GPATCH1: variants seen among roughly 807,000 people sequenced by gnomAD.
GPATCH1 encodes the protein G patch domain-containing protein 1.
A neutral mutation model predicts 114.9 loss-of-function variants in GPATCH1; 73 were observed. That is an observed-to-expected ratio of 0.64 (90% CI 0.53 to 0.77). The LOEUF (loss-of-function observed/expected upper bound fraction) is 0.77. Among genes scored for constraint, GPATCH1 ranks in the 30% least tolerant of loss-of-function variants. The probability of loss-of-function intolerance (pLI) is 0.00; values close to 1 mark genes in which losing one functional copy is unlikely to be tolerated. For missense variants in GPATCH1, 1,058 were observed against 1,144.3 expected (o/e 0.92, Z 1.09); for synonymous variants, 391 against 428.4 (o/e 0.91, Z 1.08).
chr19:33,128,592 C>T (rs2145345298), intron 19 of GPATCH1, among the ~76,000 whole-genome samples: 1 of 152,282 alleles, frequency 6.6e-6, no homozygotes, highest in Non-Finnish European at 1.5e-5. Flanking sequence ...ATGGGATCTC[C>T]TATGTTGCCC....
At chr19:33,118,567 T>C (rs1475709233) in intron 16 of GPATCH1, among the ~76,000 whole-genome samples, 1 of 152,222 alleles carries the variant, frequency 6.6e-6, no homozygotes, top group Non-Finnish European at 1.5e-5. Context: ...GTGAATATGA[T>C]CATTTATCTT....
intron 1 of GPATCH1, among the ~76,000 whole-genome samples, chr19:33,087,683 A>AT (rs147397881): frequency 0.035 from 4,789 of 138,024 alleles, 225 homozygotes; most frequent in African/African-American, 0.11. Flanking sequence ...TGACATTATA[A>AT]TTTTTTTTTT....
intron 13 of GPATCH1, 31 bp from the exon 14 acceptor site, chr19:33,113,736 T>C (rs376184295): frequency 6.2e-7 from 1 of 1,606,974 alleles, no homozygotes; most frequent in African/African-American, 1.3e-5. Context: ...CTACTGGTTG[T>C]TACTAAAATG....
intron 3 of GPATCH1, among the ~76,000 whole-genome samples, chr19:33,091,710 G>A (rs1296066332): frequency 1.3e-5 from 2 of 152,062 alleles, no homozygotes; most frequent in African/African-American, 4.8e-5. Context: ...ATTTACCTGT[G>A]TAACAAACCT....
chr19:33,099,560 CTT>C (rs1257744769), intron 8 of GPATCH1, among the ~76,000 whole-genome samples: 7 of 151,630 alleles, frequency 4.6e-5, no homozygotes, highest in African/African-American at 1.7e-4. Flanking sequence ...GTGAATCTAT[CTT>C]TATTTTACCT....
intron 18 of GPATCH1, 117 bp downstream of exon 18, chr19:33,125,319 C>G: frequency 9.0e-7 from 1 of 1,111,208 alleles, no homozygotes; most frequent in Non-Finnish European, 1.3e-6. Context: ...ACAGTTCTCT[C>G]TGAGACTTAA....
At position 33,097,909 on chromosome 19, in the gene GPATCH1, C is replaced by G. The variant is rs757782598; in HGVS notation, c.1000+7C>G. ...CAGTATAAAAACCAGAAAGGTAATT[C>G]GACAGCCACAAACCTAATGGCAGGA... On this transcript the variant is annotated splice_region_variant and intron_variant, in intron 8 of 19. Transcript: ENST00000170564. The G allele has an allele frequency of 6.2e-7, 1 of 1,613,340 alleles. No homozygotes were observed. The highest frequency in any genetic ancestry group is 8.5e-7 in the Non-Finnish European group (1 of 1,179,596).
At chr19:33,085,569 G>C (rs988202679) in intron 1 of GPATCH1, among the ~76,000 whole-genome samples, 4 of 152,076 alleles carry the variant, frequency 2.6e-5, no homozygotes, top group African/African-American at 9.7e-5. Context: ...TTGAAATTTT[G>C]GTCAGGGAAT....
At chr19:33,089,152 G>A (rs528651876) in intron 2 of GPATCH1, among the ~76,000 whole-genome samples, 18 of 152,234 alleles carry the variant, frequency 1.2e-4, no homozygotes, top group African/African-American at 4.3e-4. Context: ...TGCCATTCAC[G>A]AAATACTCTT....
chr19:33,097,053 C>T (rs771556621), intron 7 of GPATCH1, among the ~76,000 whole-genome samples: 1 of 151,920 alleles, frequency 6.6e-6, no homozygotes, highest in Non-Finnish European at 1.5e-5. Context: ...TGAAGCGATT[C>T]TCCTGCCTCA....
intron 8 of GPATCH1, among the ~76,000 whole-genome samples, chr19:33,100,880 A>G (rs1187663716): frequency 6.6e-6 from 1 of 152,054 alleles, no homozygotes; most frequent in Non-Finnish European, 1.5e-5. Flanking sequence ...CTTGAGAATC[A>G]AATCAAAGAG....
chr19:33,088,081 C>A, intron 1 of GPATCH1, 53 bp from the exon 2 acceptor site: 4 of 1,067,756 alleles, frequency 3.7e-6, no homozygotes, highest in South Asian at 3.6e-5. Context: ...AAATTTGAAC[C>A]GACCATCTCC....
intron 8 of GPATCH1, among the ~76,000 whole-genome samples, chr19:33,100,454 G>A (rs1328563212): frequency 2.0e-5 from 3 of 151,932 alleles, no homozygotes; most frequent in Non-Finnish European, 4.4e-5. Context: ...TGGGTGTGGT[G>A]GCACATGCCT....
intron 9 of GPATCH1, among the ~76,000 whole-genome samples, chr19:33,103,990 A>G (rs1340818745): frequency 6.6e-6 from 1 of 152,096 alleles, no homozygotes; most frequent in East Asian, 1.9e-4. Context: ...ATCTGAATCT[A>G]GAGGTCAAAC....
chr19:33,114,335 A>T lies in GPATCH1; in HGVS notation c.2112A>T (p.Arg704Ser), dbSNP rs1386440837. The change falls in exon 15 of 20, where the codon AGA becomes AGT. Residue 704 changes from arginine to serine, a missense_variant. Coordinates refer to ENST00000170564, the MANE Select transcript of GPATCH1 (RefSeq NM_018025.3). ...TTAGTGAATTTTTAAGTTTGGCTAG[A>T]TCAAAAGCCGAGCCACCTAAACAAC... Reference protein sequence around the residue: ...DSISEFLSLARSKAEPPKQQS... With the variant: ...DSISEFLSLASSKAEPPKQQS... The T allele has an allele frequency of 8.7e-6, 14 of 1,613,282 alleles. No homozygotes were observed. The highest frequency in any genetic ancestry group is 1.2e-5 in the Non-Finnish European group (14 of 1,179,474).
At chr19:33,117,066 T>G (rs1398953553) in intron 15 of GPATCH1, among the ~76,000 whole-genome samples, 2 of 151,984 alleles carry the variant, frequency 1.3e-5, no homozygotes, top group Non-Finnish European at 2.9e-5. Flanking sequence ...TGTGGTGGCA[T>G]GCACCTGTGG....
At chr19:33,118,810 C>T (rs952545423) in intron 16 of GPATCH1, among the ~76,000 whole-genome samples, 200 bp from the exon 17 acceptor site, 23 of 152,190 alleles carry the variant, frequency 1.5e-4, no homozygotes, top group African/African-American at 5.3e-4. Context: ...TGCAGGTGCC[C>T]TCGTGTGACT....
intron 1 of GPATCH1, among the ~76,000 whole-genome samples, chr19:33,086,840 C>T (rs979184751): frequency 5.3e-5 from 8 of 151,754 alleles, no homozygotes; most frequent in African/African-American, 1.7e-4. Flanking sequence ...TGGACGCGGT[C>T]GCTCACACCT....
Position 33,109,757 on chromosome 19 carries a change from CA to C in GPATCH1, c.1329del (p.Glu444ArgfsTer6). 1 of 1,594,644 alleles carries C rather than the reference CA, an allele frequency of 6.3e-7. No homozygotes were observed. Among genetic ancestry groups the C allele is most frequent in the Non-Finnish European group, 8.5e-7 (1 of 1,170,646 alleles). ...TGTTAGAATTTCTGTCCCAAAAAGA[CA>C]AAGAGAGAATCAAAGAAATGAAGCA... is the stretch of plus-strand genomic sequence containing the variant. ...SVLEFLSQKD[K>X]ERIKEMKQAT... On this transcript the variant is annotated frameshift_variant, in exon 11 of 20. Transcript: ENST00000170564. LOFTEE classifies it high-confidence loss of function.
Sources: gnomAD v4.1 joint callset for allele counts (sites outside exome capture counted in the v4.1 genomes callset) on GRCh38, gnomAD v4.1.1 for gene constraint, MANE v1.5 for transcripts, NCBI Gene and HGNC (gene_info 2026-07-23, HGNC 2026-07-21) for gene names.